ANKRD26: variants seen among roughly 807,000 people sequenced by gnomAD.
ANKRD26 encodes the protein ankyrin repeat domain-containing protein 26.
ANKRD26 carries 141 observed loss-of-function variants against 208.7 expected under a neutral mutation model. The observed-to-expected ratio is 0.68, with a 90% CI of 0.59 to 0.78. The LOEUF is 0.78. ANKRD26 is among the 30% of genes least tolerant of loss of function. The probability of loss-of-function intolerance (pLI) is 0.00; values close to 1 mark genes in which losing one functional copy is unlikely to be tolerated. For synonymous variants in ANKRD26, 636 were observed against 660.4 expected, an observed-to-expected ratio of 0.96 and a Z score of 0.57; for missense variants, 1,889 against 1,938.7, an observed-to-expected ratio of 0.97 and a Z score of 0.48.
intron 27 of ANKRD26, among the ~76,000 whole-genome samples, chr10:27,027,952 A>G (rs545126646): frequency 2.1e-4 from 32 of 152,218 alleles, no homozygotes; most frequent in Non-Finnish European, 2.9e-4. Context: ...TATATGAGAT[A>G]TCCAATACTT....
At chr10:26,972,490 CA>C (rs1346940169), downstream of ANKRD26, among the ~76,000 whole-genome samples, 1 of 151,852 alleles carries the variant, frequency 6.6e-6, no homozygotes, top group Non-Finnish European at 1.5e-5. Context: ...TTAAGAGATA[CA>C]ACCGCTTCTT....
intron 9 of ANKRD26, among the ~76,000 whole-genome samples, chr10:27,075,692 T>C (rs1383910062): frequency 6.6e-6 from 1 of 152,142 alleles, no homozygotes; most frequent in East Asian, 1.9e-4. Flanking sequence ...AGACAGGTCA[T>C]CAAGGTAGAA....
downstream of ANKRD26, among the ~76,000 whole-genome samples, chr10:27,001,295 A>G (rs543606859): frequency 3.9e-5 from 6 of 152,174 alleles, no homozygotes; most frequent in Non-Finnish European, 7.3e-5. Flanking sequence ...GGAGTGAAGC[A>G]GCATCACTGA....
At chr10:27,098,373 G>GA (rs1181096248) in intron 1 of ANKRD26, among the ~76,000 whole-genome samples, 2 of 151,074 alleles carry the variant, frequency 1.3e-5, no homozygotes, top group African/African-American at 2.4e-5. Flanking sequence ...ACCAAAAAAA[G>GA]AAAAAAAAGA....
intron 7 of ANKRD26, 129 bp from the exon 8 acceptor site, chr10:27,077,822 A>T (rs1425296225): frequency 1.2e-6 from 1 of 839,676 alleles, no homozygotes; most frequent in Admixed American, 2.2e-5. Flanking sequence ...AGTCACTCAG[A>T]TGTAGATTTA....
chr10:27,067,402 C>T (rs2055298621), intron 9 of ANKRD26, 116 bp from the exon 10 acceptor site: 2 of 1,200,696 alleles, frequency 1.7e-6, no homozygotes, highest in Non-Finnish European at 1.2e-6. Context: ...AATACCTGGT[C>T]ATCCAAGATG....
chr10:27,046,556 TAAGAAAA>T (rs778247188), intron 17 of ANKRD26, 33 bp from the exon 18 acceptor site: 1 of 1,597,444 alleles, frequency 6.3e-7, no homozygotes, highest in South Asian at 1.1e-5. Context: ...GACAGTTACA[TAAGAAAA>T]AAGAAAAAAA....
chr10:27,069,204 A>C (rs2055385685), intron 9 of ANKRD26, among the ~76,000 whole-genome samples: 1 of 40,686 alleles, frequency 2.5e-5, no homozygotes. Flanking sequence ...CAAAAAAAAA[A>C]AAAAAAAAAA....
At chr10:27,085,109 T>C (rs1490094551) in intron 5 of ANKRD26, among the ~76,000 whole-genome samples, 1 of 146,742 alleles carries the variant, frequency 6.8e-6, no homozygotes, top group Non-Finnish European at 1.5e-5. Flanking sequence ...TTTTTGTTTG[T>C]TTTTTTTTTG....
intron 27 of ANKRD26, among the ~76,000 whole-genome samples, chr10:27,027,692 A>T (rs1564367074): frequency 6.6e-6 from 1 of 152,198 alleles, no homozygotes; most frequent in Non-Finnish European, 1.5e-5. Flanking sequence ...TGAATACAAT[A>T]AATATTTTTA....
chr10:27,069,424 A>T (rs193214756), intron 9 of ANKRD26, among the ~76,000 whole-genome samples: 5 of 152,208 alleles, frequency 3.3e-5, no homozygotes, highest in African/African-American at 1.2e-4. Context: ...CAATGTCCAC[A>T]GTTTGGGACA....
In ANKRD26 at chr10:27,017,672, T is replaced by C. The variant is rs1442611750; in HGVS notation, c.4336A>G (p.Lys1446Glu). Residue 1446 changes from lysine to glutamate, a missense_variant, in exon 30 of 34, where the codon AAA (lysine) becomes GAA (glutamate). Around this residue, in one of 3 missense-constraint regions of ANKRD26, gnomAD observed 613 missense variants for 648.2 expected, o/e 0.95. Transcript: ENST00000376087. ...SMKTVQKKCE[K>E]LQKNKKKLEQ... is the part of the protein sequence containing the mutation. The stretch of plus-strand genomic sequence containing the variant: ...AACTTCTTTTTATTCTTCTGTAGTT[T>C]TTCACATTTCTTTTGTACTGTTTTC... 6.2e-7 allele frequency: 1 copy of C among 1,613,558 alleles called. No individual in the cohort carries two copies. Among genetic ancestry groups the C allele is most frequent in the East Asian group, 2.2e-5 (1 of 44,774 alleles).
At chr10:26,991,367 A>G (rs2052482814), downstream of ANKRD26, among the ~76,000 whole-genome samples, 1 of 152,200 alleles carries the variant, frequency 6.6e-6, no homozygotes, top group Non-Finnish European at 1.5e-5. Context: ...AGACAGGTCT[A>G]TGCTTTTCTC....
chr10:27,080,648 C>T (rs1248932576), intron 6 of ANKRD26: 1 of 985,340 alleles, frequency 1.0e-6, no homozygotes, highest in African/African-American at 1.7e-5. Context: ...CTCCCACTTA[C>T]AGATCCCTCT....
chr10:26,994,817 T>C (rs2052554102), intron 5 of ANKRD26, among the ~76,000 whole-genome samples: 1 of 152,190 alleles, frequency 6.6e-6, no homozygotes. Context: ...CCCAAAGTCA[T>C]GAGCAAACCC....
At chr10:27,000,939 C>T (rs144079251), downstream of ANKRD26, among the ~76,000 whole-genome samples, 6,974 of 152,178 alleles carry the variant, frequency 0.046, 273 homozygotes, top group Admixed American at 0.13. Context: ...ACCCAGGAGG[C>T]GGAGCTTGCA....
chr10:26,989,762 T>C (rs967735466), downstream of ANKRD26, among the ~76,000 whole-genome samples: 1 of 152,140 alleles, frequency 6.6e-6, no homozygotes, highest in African/African-American at 2.4e-5. Context: ...TCTTGGAGGT[T>C]AGACCTCCTG....
At chr10:27,059,415 C>T (rs1013277704) in intron 15 of ANKRD26, among the ~76,000 whole-genome samples, 5 of 152,030 alleles carry the variant, frequency 3.3e-5, no homozygotes, top group Non-Finnish European at 5.9e-5. Context: ...AATTCTAGGA[C>T]ATGTAAACAA....
the ANKRD26 span, among the ~76,000 whole-genome samples, chr10:26,949,970 A>G: frequency 1.3e-5 from 2 of 152,188 alleles, no homozygotes; most frequent in African/African-American, 4.8e-5. Flanking sequence ...TGAAAAAACC[A>G]GATTATTTAT....
Sources: allele counts gnomAD v4.1 joint callset (sites outside exome capture counted in the v4.1 genomes callset), GRCh38; gene constraint gnomAD v4.1.1; regional missense constraint gnomAD v4.1.1; transcripts MANE v1.5; gene names NCBI Gene and HGNC (gene_info 2026-07-23, HGNC 2026-07-21).